AKAP13: variants seen among roughly 807,000 people sequenced by gnomAD.
The protein encoded by AKAP13 is A-kinase anchor protein 13.
Under a neutral mutation model 264.5 loss-of-function variants are expected in AKAP13, and 80 were observed. That is an observed-to-expected ratio of 0.30 (90% CI 0.25 to 0.36). AKAP13 has a LOEUF of 0.36. Ranked by LOEUF, AKAP13 falls within the 10% of genes least tolerant of loss-of-function variation. The pLI is 1.00. For synonymous variants in AKAP13, 1,380 were observed against 1,250.2 expected, an observed-to-expected ratio of 1.10 and a Z score of -2.19; for missense variants, 3,712 against 3,435.2, an observed-to-expected ratio of 1.08 and a Z score of -2.01.
At chr15:85,525,447 C>G (rs2077001691) in intron 3 of AKAP13, among the ~76,000 whole-genome samples, 1 of 152,240 alleles carries the variant, frequency 6.6e-6, no homozygotes, top group South Asian at 2.1e-4. Flanking sequence ...AAAAGAATGT[C>G]CTGTCTTTTG....
At chr15:85,528,095 C>T (rs997420328) in intron 3 of AKAP13, among the ~76,000 whole-genome samples, 2 of 152,108 alleles carry the variant, frequency 1.3e-5, no homozygotes, top group African/African-American at 4.8e-5. Flanking sequence ...TGAAGTAATT[C>T]TTGGGCTGTG....
intron 30 of AKAP13, among the ~76,000 whole-genome samples, chr15:85,731,236 C>G (rs1000455315): frequency 2.0e-5 from 3 of 152,212 alleles, no homozygotes; most frequent in African/African-American, 7.2e-5. Context: ...AAACTCCTGA[C>G]CTCAAGTTAT....
At chr15:85,702,486 A>G (rs1055235251) in intron 17 of AKAP13, 2 of 152,168 alleles carry the variant, frequency 1.3e-5, no homozygotes, top group African/African-American at 4.8e-5. Context: ...CATGTCCAGG[A>G]TCTTCCCAGG....
intron 5 of AKAP13, among the ~76,000 whole-genome samples, chr15:85,556,037 G>T (rs1181444819): frequency 6.6e-6 from 1 of 152,174 alleles, no homozygotes; most frequent in Non-Finnish European, 1.5e-5. Context: ...TTAGAGGTAG[G>T]TTTCGTTGTG....
At chr15:85,612,910 A>C (rs1439456605) in intron 8 of AKAP13, among the ~76,000 whole-genome samples, 1 of 152,092 alleles carries the variant, frequency 6.6e-6, no homozygotes, top group East Asian at 1.9e-4. Context: ...GGATGCTATT[A>C]TTTATAGTAA....
At chr15:85,442,736 T>A (rs1027041441) in intron 1 of AKAP13, among the ~76,000 whole-genome samples, 1 of 151,660 alleles carries the variant, frequency 6.6e-6, no homozygotes, top group African/African-American at 2.4e-5. Flanking sequence ...AGCAACACTT[T>A]TAATTTTGTG....
intron 14 of AKAP13, among the ~76,000 whole-genome samples, chr15:85,680,173 T>A (rs1379785812): frequency 6.6e-6 from 1 of 152,216 alleles, no homozygotes; most frequent in Non-Finnish European, 1.5e-5. Flanking sequence ...ATTACTAGGG[T>A]GGTAACTTAC....
chr15:85,698,152 G>C (rs1003335367), intron 17 of AKAP13, among the ~76,000 whole-genome samples: 1 of 152,112 alleles, frequency 6.6e-6, no homozygotes, highest in Non-Finnish European at 1.5e-5. Context: ...ATAGTATATA[G>C]ATGGATAGGC....
chr15:85,511,116 G>T (rs1371105140), intron 2 of AKAP13, among the ~76,000 whole-genome samples: 1 of 152,148 alleles, frequency 6.6e-6, no homozygotes, highest in Non-Finnish European at 1.5e-5. Flanking sequence ...TTGTTCTGAG[G>T]ATTTCTTTTT....
chr15:85,540,580 A>G (rs1436447308), intron 4 of AKAP13, among the ~76,000 whole-genome samples: 1 of 152,226 alleles, frequency 6.6e-6, no homozygotes, highest in African/African-American at 2.4e-5. Flanking sequence ...CAGATTACAG[A>G]GGAGTACTGA....
At chr15:85,456,185 T>G (rs1431473967) in intron 1 of AKAP13, among the ~76,000 whole-genome samples, 1 of 152,228 alleles carries the variant, frequency 6.6e-6, no homozygotes, top group African/African-American at 2.4e-5. Context: ...CCTTTCTGGC[T>G]TTCCACTCTA....
At position 85,485,868 on chromosome 15, in the gene AKAP13, A is replaced by G. The variant is rs1052778738; in HGVS notation, c.33+115A>G. 1.3e-5 allele frequency: 11 copies of G among 837,132 alleles called. No homozygotes were observed. In the Admixed American group the frequency reaches 2.4e-4, roughly 18 times the overall value. The allele number at this position is 837,132 out of a possible 1,614,324, so 51.9% of individuals were successfully genotyped here. On this transcript the variant is annotated intron_variant, in intron 2 of 36. Coordinates refer to ENST00000394518, the MANE Select transcript of AKAP13 (RefSeq NM_007200.5). Reference sequence around the variant, plus strand: ...CAAGGAAAATTTTAACCATATGTCCATGAATATATTGGTGTAAGACACTTC... The same window carrying G: ...CAAGGAAAATTTTAACCATATGTCCGTGAATATATTGGTGTAAGACACTTC...
chr15:85,637,128 T>C (rs889520409), intron 8 of AKAP13, among the ~76,000 whole-genome samples: 5 of 152,236 alleles, frequency 3.3e-5, no homozygotes, highest in African/African-American at 1.2e-4. Flanking sequence ...CTTATATCTG[T>C]CTGGTTTTGA....
chr15:85,606,336 A>G lies in AKAP13; in HGVS notation c.4161+20513A>G, dbSNP rs144760033. Among the ~76,000 whole-genome samples the G allele has an allele frequency of 9.0e-3, 1,367 of 152,072 alleles. 20 individuals carry two copies. Among genetic ancestry groups the G allele is most frequent in the African/African-American group, 0.028 (1,166 of 41,472 alleles). ...AGGCTAGTCTTGAACACCTGACCTC[A>G]GGTGGTCCGCCCACCTCAGCCTCCC... On this transcript the variant is annotated intron_variant, in intron 8 of 36. Coordinates refer to ENST00000394518, the MANE Select transcript of AKAP13 (RefSeq NM_007200.5).
chr15:85,743,510 A>C lies in AKAP13; in HGVS notation c.8077A>C (p.Lys2693Gln). 6.2e-7 allele frequency: 1 copy of C among 1,613,966 alleles called. No homozygotes were observed. ...DLCQVSHPHT[K>Q]LMRIPSFFPS... ...TGTACAGGTTTCCCATCCACATACC[A>C]AGCTGATGAGGATCCCATCGTTCTT... Residue 2693 changes from lysine (K) to glutamine (Q), a missense_variant, in exon 36 of 37, where the codon AAG becomes CAG. This residue lies in a region of AKAP13 where 611 missense variants were observed against 539.3 expected (regional missense o/e 1.13). Coordinates refer to ENST00000394518, the MANE Select transcript of AKAP13 (RefSeq NM_007200.5).
chr15:85,639,351 T>A (rs1317801615), intron 8 of AKAP13, 23 bp from the exon 9 acceptor site: 1 of 1,552,246 alleles, frequency 6.4e-7, no homozygotes, highest in African/African-American at 1.4e-5. Flanking sequence ...TGTCTGAAAC[T>A]CTGTGTTTTC....
At chr15:85,730,972 A>C (rs2087963434) in intron 30 of AKAP13, among the ~76,000 whole-genome samples, 1 of 131,732 alleles carries the variant, frequency 7.6e-6, no homozygotes, top group African/African-American at 2.9e-5. Context: ...AGTTATTCTG[A>C]CTGTTTTTTA....
In AKAP13 at chr15:85,717,984, TATTG is replaced by T. The variant is rs2087052536; in HGVS notation, c.5849-19_5849-16del. 6.2e-7 allele frequency: 1 copy of T among 1,607,048 alleles called. No individual in the cohort carries two copies. Among genetic ancestry groups the T allele is most frequent in the African/African-American group, 1.3e-5 (1 of 74,664 alleles). ...TTACAGGTCACAAACCTGATTCTGA[TATTG>T]ATTTTTTGATATATTGAGGAGTAGG... On this transcript the variant is annotated intron_variant, in intron 21 of 36. Transcript: ENST00000394518.
rs560537386 is a variant in AKAP13, at chr15:85,677,384, A to G, written c.5102-4774A>G. ...TCAAAGGTGTAGGGGGTGTGTTCCC[A>G]TCCCATTGTGTACTCTTTCTAATAA... On this transcript the variant is annotated intron_variant, in intron 14 of 36. Coordinates refer to ENST00000394518, the MANE Select transcript of AKAP13 (RefSeq NM_007200.5). 5.3e-5 allele frequency among the ~76,000 whole-genome samples: 8 copies of G among 152,292 alleles called. No individual in the cohort carries two copies. The South Asian group carries it at 1.7e-3, about 32-fold the overall frequency.
Sources: allele counts gnomAD v4.1 joint callset (sites outside exome capture counted in the v4.1 genomes callset), GRCh38; gene constraint gnomAD v4.1.1; regional missense constraint gnomAD v4.1.1; transcripts MANE v1.5; gene names NCBI Gene and HGNC (gene_info 2026-07-23, HGNC 2026-07-21).